The following SLC25A26 variants were observed in gnomAD, a reference collection of about 807,000 sequenced individuals.
The protein encoded by SLC25A26 is mitochondrial S-adenosylmethionine carrier protein.
In SLC25A26, 36 loss-of-function variants were observed where a neutral mutation model predicts 37.8. The ratio of observed to expected loss-of-function variants is 0.95; its 90% CI spans 0.73 to 1.26. The LOEUF (loss-of-function observed/expected upper bound fraction) is 1.26. Ranked by LOEUF, SLC25A26 falls within the 50% of genes most tolerant of loss-of-function variation. The probability of loss-of-function intolerance (pLI) is 0.00; values close to 1 mark genes in which losing one functional copy is unlikely to be tolerated. For synonymous variants in SLC25A26, 129 were observed against 122.5 expected (o/e 1.05, Z -0.35); for missense variants, 390 against 331.1 (o/e 1.18, Z -1.38).
At chr3:66,298,990 A>T (rs2074990886) in intron 5 of SLC25A26, among the ~76,000 whole-genome samples, 1 of 152,068 alleles carries the variant, frequency 6.6e-6, no homozygotes, top group African/African-American at 2.4e-5. Flanking sequence ...CCATCTAAAA[A>T]CTCAGTGTGT....
chr3:66,259,267 C>A (rs2073427837), intron 3 of SLC25A26, among the ~76,000 whole-genome samples: 1 of 152,174 alleles, frequency 6.6e-6, no homozygotes, highest in Non-Finnish European at 1.5e-5. Context: ...CTTTGATCTT[C>A]CTTTTTGGTT....
intron 5 of SLC25A26, among the ~76,000 whole-genome samples, chr3:66,286,408 T>C (rs1210994130): frequency 6.6e-6 from 1 of 152,196 alleles, no homozygotes; most frequent in Non-Finnish European, 1.5e-5. Flanking sequence ...GTTTTTTGCA[T>C]ATATAGATGT....
intron 5 of SLC25A26, among the ~76,000 whole-genome samples, chr3:66,268,758 G>C (rs1179497502): frequency 6.6e-6 from 1 of 152,218 alleles, no homozygotes; most frequent in Non-Finnish European, 1.5e-5. Context: ...GGGACCTGAT[G>C]GGAGGTGATT....
chr3:66,303,457 A>T (rs1251624476), intron 5 of SLC25A26, among the ~76,000 whole-genome samples: 1 of 152,186 alleles, frequency 6.6e-6, no homozygotes, highest in Non-Finnish European at 1.5e-5. Flanking sequence ...AGGTGGCTGG[A>T]TCAGATAATC....
chr3:66,358,300 A>G (rs2076622621), intron 6 of SLC25A26, among the ~76,000 whole-genome samples: 2 of 152,212 alleles, frequency 1.3e-5, no homozygotes, highest in Non-Finnish European at 2.9e-5. Context: ...ACTCAAATGA[A>G]TAATTTGTAA....
At chr3:66,140,852 A>G (rs1441521749) in intron 1 of SLC25A26, among the ~76,000 whole-genome samples, 1 of 152,154 alleles carries the variant, frequency 6.6e-6, no homozygotes, top group African/African-American at 2.4e-5. Context: ...AGTGAATGTC[A>G]AAGGCATGAT....
Position 66,293,464 on chromosome 3 carries a change from A to G in SLC25A26, c.453+30085A>G, listed in dbSNP as rs1021466015. Reference sequence around the variant, plus strand: ...CTTGTGTCATGGAGGTTTGTTGTACAGATTATTTTGCCACCCAGGTACTAA... The same window carrying G: ...CTTGTGTCATGGAGGTTTGTTGTACGGATTATTTTGCCACCCAGGTACTAA... On this transcript the variant is annotated intron_variant, in intron 5 of 9. Coordinates refer to ENST00000354883, the MANE Select transcript of SLC25A26 (RefSeq NM_001379210.1). Among the ~76,000 whole-genome samples, 8 of 149,182 alleles carry G rather than the reference A, an allele frequency of 5.4e-5. No individual in the cohort carries two copies. In the South Asian group the frequency reaches 1.1e-3, roughly 20 times the overall value.
chr3:66,263,279 C>T, intron 4 of SLC25A26, 53 bp from the exon 5 acceptor site: 3 of 1,368,132 alleles, frequency 2.2e-6, no homozygotes, highest in South Asian at 1.2e-5. Context: ...ACAGAATGTC[C>T]TTCAGAAATC....
rs1032930610 is a variant in SLC25A26 at position 66,378,350 on chromosome 3, G to T, written c.*543G>T. ...AGCACTCTTTCTGGGTAACTAGGCT[G>T]CTGGTTTTAATTACCCTCAGATTTC... On this transcript the variant is annotated 3_prime_UTR_variant, in exon 10 of 10. Coordinates refer to ENST00000354883, the MANE Select transcript of SLC25A26 (RefSeq NM_001379210.1). 6.5e-6 allele frequency: 1 copy of T among 152,758 alleles called. No individual in the cohort carries two copies. Among genetic ancestry groups the T allele is most frequent in the African/African-American group, 2.4e-5 (1 of 41,452 alleles). 9.5% of individuals were successfully genotyped at this position (152,758 alleles called of 1,614,324 possible). A position where few individuals can be genotyped will look rare whatever the true frequency, so the allele number is the denominator to read the frequency against.
At chr3:66,211,261 A>G (rs2106837373) in intron 1 of SLC25A26, among the ~76,000 whole-genome samples, 1 of 152,272 alleles carries the variant, frequency 6.6e-6, no homozygotes, top group Admixed American at 6.5e-5. Flanking sequence ...GGTAGCTCAG[A>G]AGAATAGAGG....
At chr3:66,188,948 G>T (rs1162066503) in intron 1 of SLC25A26, among the ~76,000 whole-genome samples, 1 of 151,922 alleles carries the variant, frequency 6.6e-6, no homozygotes, top group Admixed American at 6.6e-5. Flanking sequence ...TCCTTACAAT[G>T]ACCCTAATCT....
intron 5 of SLC25A26, among the ~76,000 whole-genome samples, chr3:66,288,359 A>C (rs1338157834): frequency 6.6e-6 from 1 of 152,154 alleles, no homozygotes; most frequent in Non-Finnish European, 1.5e-5. Flanking sequence ...GTTCTGGGAT[A>C]CATGTGCAGA....
chr3:66,367,754 G>C (rs112778547), intron 7 of SLC25A26, among the ~76,000 whole-genome samples: 18 of 152,012 alleles, frequency 1.2e-4, no homozygotes, highest in Non-Finnish European at 2.2e-4. Flanking sequence ...CATGGATCCT[G>C]TTATGTAACT....
At chr3:66,313,435 T>G (rs2075440610) in intron 5 of SLC25A26, among the ~76,000 whole-genome samples, 1 of 152,202 alleles carries the variant, frequency 6.6e-6, no homozygotes, top group Admixed American at 6.5e-5. Flanking sequence ...GTTGTAGATG[T>G]GCCATCTTAT....
Position 66,135,179 on chromosome 3 carries a change from T to G in SLC25A26, c.-354+1195T>G, listed in dbSNP as rs140994108. ...AAAGCCTGGTTTTATAAAGTTCAAA[T>G]TTTACTGAAAATTGTTTTTAATTTT... On this transcript the variant is annotated intron_variant, in intron 1 of 10. Transcript: ENST00000676754. Among the ~76,000 whole-genome samples the G allele has an allele frequency of 4.8e-3, 733 of 152,306 alleles. 7 individuals are homozygous for G. Among genetic ancestry groups the G allele is most frequent in the African/African-American group, 0.016 (684 of 41,562 alleles).
intron 5 of SLC25A26, among the ~76,000 whole-genome samples, chr3:66,265,484 C>G (rs2073709433): frequency 1.3e-5 from 2 of 152,118 alleles, no homozygotes; most frequent in Admixed American, 6.5e-5. Context: ...AAGTGAGAAC[C>G]TGCATACATC....
At chr3:66,294,124 C>T (rs1187469878) in intron 5 of SLC25A26, among the ~76,000 whole-genome samples, 2 of 151,992 alleles carry the variant, frequency 1.3e-5, no homozygotes, top group Non-Finnish European at 2.9e-5. Flanking sequence ...GCAGTATGGC[C>T]GTTTTCACAA....
intron 5 of SLC25A26, among the ~76,000 whole-genome samples, chr3:66,280,802 T>G (rs1309981575): frequency 6.6e-6 from 1 of 152,176 alleles, no homozygotes; most frequent in Non-Finnish European, 1.5e-5. Context: ...TTCCTCTTTT[T>G]TTTCCTGAAA....
chr3:66,322,344 A>G (rs2075717856), intron 5 of SLC25A26, among the ~76,000 whole-genome samples: 1 of 152,204 alleles, frequency 6.6e-6, no homozygotes, highest in Non-Finnish European at 1.5e-5. Context: ...TTTGGCACAC[A>G]TTTTCTCATT....
Sources: allele counts gnomAD v4.1 joint callset (sites outside exome capture counted in the v4.1 genomes callset), GRCh38; gene constraint gnomAD v4.1.1; transcripts MANE v1.5; gene names NCBI Gene and HGNC (gene_info 2026-07-23, HGNC 2026-07-21).